Variants in SCARA3 observed in about 807,000 individuals in gnomAD.
SCARA3 encodes scavenger receptor class A member 3.
Under a neutral mutation model 47.0 loss-of-function variants are expected in SCARA3, and 39 were observed. The observed-to-expected ratio is 0.83, with a 90% CI of 0.64 to 1.08. SCARA3 has a LOEUF of 1.08. Ranked by LOEUF, SCARA3 falls within the 50% of genes least tolerant of loss-of-function variation. SCARA3 has a pLI of 0.00. For synonymous variants in SCARA3, 356 were observed against 334.1 expected, an observed-to-expected ratio of 1.07 and a Z score of -0.71; for missense variants, 724 against 792.3, an observed-to-expected ratio of 0.91 and a Z score of 1.04.
At chr8:27,664,739 C>T (rs1010125868) in intron 5 of SCARA3, among the ~76,000 whole-genome samples, 3 of 148,186 alleles carry the variant, frequency 2.0e-5, no homozygotes, top group African/African-American at 7.3e-5. Flanking sequence ...GTGTGGAGTT[C>T]CATGACTAGG....
chr8:27,679,135 C>T (rs1367222786), downstream of SCARA3, among the ~76,000 whole-genome samples: 1 of 151,994 alleles, frequency 6.6e-6, no homozygotes, highest in Non-Finnish European at 1.5e-5. Flanking sequence ...TCTTCTTCTT[C>T]CTCCTCTTCC....
In SCARA3 at chr8:27,671,653, T is replaced by C; in HGVS notation, c.*302T>C. The stretch of plus-strand genomic sequence containing the variant: ...AGGCATACATGCATGCACACACACA[T>C]GCACGCACACACACATGCACACATA... On this transcript the variant is annotated 3_prime_UTR_variant, in exon 6 of 6. Transcript: ENST00000301904. 9.1e-7 allele frequency: 1 copy of C among 1,100,128 alleles called. No individual in the cohort carries two copies. Among genetic ancestry groups the C allele is most frequent in the East Asian group, 4.3e-5 (1 of 23,296 alleles). The allele number at this position is 1,100,128 out of a possible 1,614,324, so 68.1% of individuals were successfully genotyped here.
the SCARA3 span, among the ~76,000 whole-genome samples, chr8:27,689,678 A>G: frequency 2.0e-3 from 305 of 152,300 alleles, 3 homozygotes; most frequent in African/African-American, 6.8e-3. Flanking sequence ...GGGTCCTTGC[A>G]GGGCCCCAGG....
downstream of SCARA3, among the ~76,000 whole-genome samples, chr8:27,674,993 C>T (rs1054624511): frequency 6.6e-6 from 1 of 152,274 alleles, no homozygotes. Flanking sequence ...TTCCAAAGTG[C>T]TGGGATTACA....
In SCARA3 at chr8:27,672,520, C is replaced by A; in HGVS notation, c.*1169C>A. 1 of 985,740 alleles carries A rather than the reference C, an allele frequency of 1.0e-6. No individual in the cohort carries two copies. The highest frequency in any genetic ancestry group is 1.2e-6 in the Non-Finnish European group (1 of 830,186). 61.1% of individuals were successfully genotyped at this position (985,740 alleles called of 1,614,324 possible). A position where few individuals can be genotyped will look rare whatever the true frequency, so the allele number is the denominator to read the frequency against. On this transcript the variant is annotated 3_prime_UTR_variant, in exon 6 of 6. Coordinates refer to ENST00000301904, the MANE Select transcript of SCARA3 (RefSeq NM_016240.3). ...GCAACAGGGCAGCTCTCGCCTCCCG[C>A]ACACGGCTCTCCTGATCACAGCTGC...
the SCARA3 span, among the ~76,000 whole-genome samples, chr8:27,724,467 G>A: frequency 1.4e-4 from 22 of 152,208 alleles, no homozygotes; most frequent in Admixed American, 7.8e-4. Flanking sequence ...TTCGAGATCA[G>A]CCTGGCCAAC....
the SCARA3 span, among the ~76,000 whole-genome samples, chr8:27,708,753 T>A: frequency 6.6e-6 from 1 of 152,144 alleles, no homozygotes; most frequent in African/African-American, 2.4e-5. Context: ...GGGTATATTG[T>A]GTGATGCTGA....
the SCARA3 span, among the ~76,000 whole-genome samples, chr8:27,731,060 G>A: frequency 8.0e-5 from 12 of 150,030 alleles, no homozygotes; most frequent in Admixed American, 2.0e-4. Context: ...AAAATGAGGG[G>A]AGATTTGTGT....
rs1802140879 is a variant in SCARA3 at position 27,671,084 on chromosome 8, C to T, written c.1554C>T (p.Phe518=). 1 of 1,609,652 alleles carries T rather than the reference C, an allele frequency of 6.2e-7. No individual in the cohort carries two copies. Among genetic ancestry groups the T allele is most frequent in the Admixed American group, 1.7e-5 (1 of 59,214 alleles). ...GGGGCCCTGTTGGCCCTCGAGGGTT[C>T]CCAGGCCTCAAAGGCTCAAAGGGCA... ...GERGPVGPRG[F]PGLKGSKGSF... Residue 518 remains phenylalanine, a synonymous_variant, in exon 6 of 6, where the codon TTC becomes TTT. Coordinates refer to ENST00000301904, the MANE Select transcript of SCARA3 (RefSeq NM_016240.3).
At chr8:27,687,911 G>A in the SCARA3 span, among the ~76,000 whole-genome samples, 6 of 152,180 alleles carry the variant, frequency 3.9e-5, no homozygotes, top group Non-Finnish European at 8.8e-5. Flanking sequence ...AGCTGCTCAG[G>A]AGGCTGAGGT....
At chr8:27,731,620 C>A in the SCARA3 span, among the ~76,000 whole-genome samples, 1 of 116,316 alleles carries the variant, frequency 8.6e-6, no homozygotes, top group African/African-American at 3.4e-5. Flanking sequence ...CCAGCCTGGG[C>A]AACAGAGCGA....
chr8:27,715,246 C>G, the SCARA3 span, among the ~76,000 whole-genome samples: 86 of 152,242 alleles, frequency 5.6e-4, no homozygotes, highest in African/African-American at 2.0e-3. The surrounding 1 kb of genome is among the most constrained non-coding windows in gnomAD (Gnocchi z 4.2). Context: ...ATTGAAGGCT[C>G]TAAGTCCAAA....
At position 27,671,961 on chromosome 8, in the gene SCARA3, C is replaced by T; in HGVS notation, c.*610C>T. 2 of 985,302 alleles carry T rather than the reference C, an allele frequency of 2.0e-6. No homozygotes were observed. The highest frequency in any genetic ancestry group is 1.2e-6 in the Non-Finnish European group (1 of 829,946). The allele number at this position is 985,302 out of a possible 1,614,324, so 61.0% of individuals were successfully genotyped here. ...CAGCTACCTCGGGAGGAAGGTCTCACATCTGTCTCTGGGCACCCATGCTGG... is the reference window on the plus strand; with the variant it reads ...CAGCTACCTCGGGAGGAAGGTCTCATATCTGTCTCTGGGCACCCATGCTGG... On this transcript the variant is annotated 3_prime_UTR_variant, in exon 6 of 6. Transcript: ENST00000301904.
chr8:27,697,897 C>T, the SCARA3 span, among the ~76,000 whole-genome samples: 2 of 152,194 alleles, frequency 1.3e-5, no homozygotes, highest in Non-Finnish European at 2.9e-5. Context: ...GTCCATTAAA[C>T]CTCTTTCCTT....
chr8:27,661,742 G>A (rs1356188190), intron 5 of SCARA3, among the ~76,000 whole-genome samples: 1 of 152,092 alleles, frequency 6.6e-6, no homozygotes, highest in Admixed American at 6.5e-5. Context: ...CCCTCATCTG[G>A]TCCTGGCTCT....
In SCARA3 at chr8:27,658,879, A is replaced by T; in HGVS notation, c.709A>T (p.Ile237Phe). Residue 237 changes from isoleucine (I) to phenylalanine (F), a missense_variant, in exon 5 of 6, where the codon ATC becomes TTC. Transcript: ENST00000301904. ...GCAGACTTCCGAGTGGATCCACGGG[A>T]TCCAGCGGAAGACAGACGAGGAGAC... ...VGQTSEWIHG[I>F]QRKTDEETLT... The T allele has an allele frequency of 6.2e-7, 1 of 1,614,166 alleles. No homozygotes were observed. The highest frequency in any genetic ancestry group is 8.5e-7 in the Non-Finnish European group (1 of 1,180,036).
At chr8:27,660,542 GAT>G (rs1801875914) in intron 5 of SCARA3, among the ~76,000 whole-genome samples, 2 of 151,378 alleles carry the variant, frequency 1.3e-5, no homozygotes, top group South Asian at 4.2e-4. Flanking sequence ...GAGATAGATA[GAT>G]AGATAGATAG....
chr8:27,644,571 C>T (rs1202243998), intron 1 of SCARA3, among the ~76,000 whole-genome samples: 1 of 151,864 alleles, frequency 6.6e-6, no homozygotes, highest in African/African-American at 2.4e-5. Flanking sequence ...CCCATCCGCT[C>T]CTGCCAAAAT....
rs1208885229 is a variant in SCARA3 at position 27,634,111 on chromosome 8, C to G, written c.-90C>G. 1 of 1,284,294 alleles carries G rather than the reference C, an allele frequency of 7.8e-7. No individual in the cohort carries two copies. Among genetic ancestry groups the G allele is most frequent in the Non-Finnish European group, 1.0e-6 (1 of 988,032 alleles). 79.6% of individuals were successfully genotyped at this position (1,284,294 alleles called of 1,614,324 possible). A position where few individuals can be genotyped will look rare whatever the true frequency, so the allele number is the denominator to read the frequency against. Reference sequence around the variant, plus strand: ...GCGGGCGGCGCCTAGGACGGCGATCCGCGCCCTGGAGGATCCGCCGGCCGC... The same window carrying G: ...GCGGGCGGCGCCTAGGACGGCGATCGGCGCCCTGGAGGATCCGCCGGCCGC... On this transcript the variant is annotated 5_prime_UTR_variant, in exon 1 of 6. Coordinates refer to ENST00000301904, the MANE Select transcript of SCARA3 (RefSeq NM_016240.3).
Sources: allele counts gnomAD v4.1 joint callset (sites outside exome capture counted in the v4.1 genomes callset), GRCh38; gene constraint gnomAD v4.1.1; non-coding constraint Gnocchi (gnomAD v3.1); transcripts MANE v1.5; gene names NCBI Gene and HGNC (gene_info 2026-07-23, HGNC 2026-07-21).